Variants in CPAMD8 observed in about 807,000 individuals in gnomAD.
The protein encoded by CPAMD8 is C3 and PZP-like alpha-2-macroglobulin domain-containing protein 8.
Under a neutral mutation model 224.7 loss-of-function variants are expected in CPAMD8, and 146 were observed. That is an observed-to-expected ratio of 0.65 (90% CI 0.57 to 0.75). The LOEUF is 0.75. Ranked by LOEUF, CPAMD8 falls within the 30% of genes least tolerant of loss-of-function variation. The pLI is 0.00. For synonymous variants in CPAMD8, 966 were observed against 1,044.6 expected, an observed-to-expected ratio of 0.92 and a Z score of 1.45; for missense variants, 2,301 against 2,537.5, an observed-to-expected ratio of 0.91 and a Z score of 2.00.
chr19:16,896,588 C>T lies in CPAMD8; in HGVS notation c.5143G>A (p.Asp1715Asn). 6.6e-7 allele frequency: 1 copy of T among 1,512,472 alleles called. No homozygotes were observed. Among genetic ancestry groups the T allele is most frequent in the East Asian group, 2.6e-5 (1 of 38,586 alleles). 93.7% of individuals were successfully genotyped at this position (1,512,472 alleles called of 1,614,324 possible). A position where few individuals can be genotyped will look rare whatever the true frequency, so the allele number is the denominator to read the frequency against. Residue 1715 changes from aspartate to asparagine, a missense_variant, in exon 40 of 42, where the codon GAC becomes AAC. Transcript: ENST00000443236. ...AAIARCGCDHDCGAQGNPVCG... is the reference protein window; with the variant it reads ...AAIARCGCDHNCGAQGNPVCG... Reference sequence around the variant, plus strand: ...ACCGGGTTCCCCTGGGCGCCGCAGTCGTGGTCGCAGCCGCATCGCGCGATC... The same window carrying T: ...ACCGGGTTCCCCTGGGCGCCGCAGTTGTGGTCGCAGCCGCATCGCGCGATC...
At chr19:16,932,207 GCCAGGCATTCAAGA>G (rs1371849146) in intron 23 of CPAMD8, among the ~76,000 whole-genome samples, 1 of 152,170 alleles carries the variant, frequency 6.6e-6, no homozygotes, top group African/African-American at 2.4e-5. Context: ...GGCAGGTGAG[GCCAGGCATTCAAGA>G]CCAGCCTGGG....
intron 1 of CPAMD8, among the ~76,000 whole-genome samples, chr19:17,023,830 C>T (rs2057016258): frequency 6.6e-6 from 1 of 152,136 alleles, no homozygotes; most frequent in African/African-American, 2.4e-5. Flanking sequence ...GATCTGCGCA[C>T]CTTGGCCTCC....
Position 16,976,102 on chromosome 19 carries a change from T to C in CPAMD8, c.1808A>G (p.Asp603Gly), listed in dbSNP as rs1324789437. 5.6e-6 allele frequency: 9 copies of C among 1,612,872 alleles called. No individual in the cohort carries two copies. Among genetic ancestry groups the C allele is most frequent in the Non-Finnish European group, 7.6e-6 (9 of 1,179,234 alleles). Reference protein sequence around the residue: ...ANETQPGEVVDLRIRAARGSC... With the variant: ...ANETQPGEVVGLRIRAARGSC... The stretch of plus-strand genomic sequence containing the variant: ...GCCCCTTGCAGCCCTGATCCGCAGG[T>C]CGACAACCTCCCCAGGTTGGGTCTC... The change falls in exon 16 of 42, where the codon GAC becomes GGC. Residue 603 changes from aspartate to glycine, a missense_variant. Asp to Gly is a moderately conservative substitution (Grantham distance 94, BLOSUM62 -1). Coordinates refer to ENST00000443236, the MANE Select transcript of CPAMD8 (RefSeq NM_015692.5).
chr19:16,909,698 C>T (rs950353500), intron 29 of CPAMD8, among the ~76,000 whole-genome samples: 12 of 151,322 alleles, frequency 7.9e-5, no homozygotes, highest in South Asian at 2.1e-4. Flanking sequence ...GAACTGAGAT[C>T]GCTCCATTGC....
chr19:16,931,512 A>G (rs547726784), intron 23 of CPAMD8, among the ~76,000 whole-genome samples: 3 of 152,220 alleles, frequency 2.0e-5, no homozygotes, highest in South Asian at 2.1e-4. Context: ...TCATCTCACC[A>G]CTGCTACTGC....
intron 27 of CPAMD8, among the ~76,000 whole-genome samples, chr19:16,917,239 C>A (rs537107277): frequency 6.6e-6 from 1 of 151,218 alleles, no homozygotes; most frequent in East Asian, 2.0e-4. Flanking sequence ...TAAACAAACA[C>A]ACAAATAAAT....
At chr19:16,925,603 G>T (rs1455504799) in intron 25 of CPAMD8, among the ~76,000 whole-genome samples, 1 of 152,068 alleles carries the variant, frequency 6.6e-6, no homozygotes, top group East Asian at 1.9e-4. Context: ...TCTTTCTCTA[G>T]CTTTTCATTC....
In CPAMD8 at chr19:16,896,292, G is replaced by A. The variant is rs369176578; in HGVS notation, c.5310C>T (p.Tyr1770=). ...QRLPASSSST[Y]GDDLASVAPG... ...GGGCCACAGAAGCCAGGTCATCCCC[G>A]TAGGTGGAGGACGACGAGGCCGGCA... is the stretch of plus-strand genomic sequence containing the variant. The change falls in exon 41 of 42, where the codon TAC becomes TAT. Residue 1770 remains tyrosine (Y), a synonymous_variant. Transcript: ENST00000443236. 48 of 1,612,268 alleles carry A rather than the reference G, an allele frequency of 3.0e-5. No homozygotes were observed. Among genetic ancestry groups the A allele is most frequent in the Non-Finnish European group, 3.9e-5 (46 of 1,179,606 alleles).
At chr19:16,940,497 C>T (rs751673539) in intron 22 of CPAMD8, among the ~76,000 whole-genome samples, 7 of 152,136 alleles carry the variant, frequency 4.6e-5, no homozygotes, top group Admixed American at 6.6e-5. Context: ...CACCTTGTGA[C>T]GGGGTTATCA....
chr19:16,943,402 T>C (rs61587383), intron 22 of CPAMD8, among the ~76,000 whole-genome samples: 206 of 152,116 alleles, frequency 1.4e-3, no homozygotes, highest in African/African-American at 4.4e-3. Flanking sequence ...TTTATTTATT[T>C]ATTCATTCAT....
intron 13 of CPAMD8, among the ~76,000 whole-genome samples, chr19:16,986,097 G>A (rs996508134): frequency 2.0e-5 from 3 of 152,058 alleles, no homozygotes; most frequent in Admixed American, 6.6e-5. Flanking sequence ...AGATTGGAGT[G>A]AGCGCCCCCA....
chr19:16,961,394 G>A (rs138869851), intron 18 of CPAMD8, among the ~76,000 whole-genome samples: 31 of 152,358 alleles, frequency 2.0e-4, no homozygotes, highest in African/African-American at 6.7e-4. Flanking sequence ...TCCCACGCCC[G>A]CAGAGCCTTG....
At chr19:16,932,376 G>A (rs866520454) in intron 23 of CPAMD8, among the ~76,000 whole-genome samples, 4 of 152,174 alleles carry the variant, frequency 2.6e-5, no homozygotes, top group African/African-American at 9.6e-5. Context: ...AGCCATGATT[G>A]TGCCACTGCA....
At chr19:17,004,189 A>G in intron 8 of CPAMD8, 84 bp downstream of exon 8, 2 of 903,672 alleles carry the variant, frequency 2.2e-6, no homozygotes, top group Non-Finnish European at 3.5e-6. Flanking sequence ...TACAGGCGAG[A>G]GCCCTTGCAC....
intron 17 of CPAMD8, among the ~76,000 whole-genome samples, chr19:16,972,677 G>A (rs560720151): frequency 2.0e-4 from 30 of 152,090 alleles, no homozygotes; most frequent in African/African-American, 7.2e-4. Context: ...CTCGTGATCC[G>A]CCCGTCTCAG....
rs1344245442 is a variant in CPAMD8, at chr19:16,899,191, G to A, written c.4848+284C>T. ...CTGCCTCAGTCTCCCAAAGTGATGG[G>A]ATTGCAGGCGTAAGCCAAAGGGCCT... On this transcript the variant is annotated intron_variant, in intron 37 of 41. Coordinates refer to ENST00000443236, the MANE Select transcript of CPAMD8 (RefSeq NM_015692.5). This position sits in a 1 kb window ranked among gnomAD's most constrained non-coding sequence, Gnocchi z 5.4. Among the ~76,000 whole-genome samples the A allele has an allele frequency of 6.6e-6, 1 of 152,184 alleles. No individual in the cohort carries two copies. Among genetic ancestry groups the A allele is most frequent in the Non-Finnish European group, 1.5e-5 (1 of 68,034 alleles).
intron 39 of CPAMD8, 81 bp from the exon 40 acceptor site, chr19:16,896,746 GT>G (rs1599642316): frequency 9.7e-7 from 1 of 1,035,254 alleles, no homozygotes; most frequent in Non-Finnish European, 1.3e-6. Context: ...TGGGGAAGAT[GT>G]CCCTGGGTCC....
intron 22 of CPAMD8, among the ~76,000 whole-genome samples, chr19:16,941,681 A>G (rs1599745581): frequency 6.6e-6 from 1 of 152,242 alleles, no homozygotes; most frequent in African/African-American, 2.4e-5. Context: ...TGGTTGTTTG[A>G]AACTGTGAAG....
chr19:16,902,092 G>A (rs1468623012), intron 35 of CPAMD8, among the ~76,000 whole-genome samples: 3 of 152,128 alleles, frequency 2.0e-5, no homozygotes, highest in African/African-American at 7.2e-5. Flanking sequence ...CTCACTCTTG[G>A]AAACCAAGGG....
Sources: allele counts gnomAD v4.1 joint callset (sites outside exome capture counted in the v4.1 genomes callset), GRCh38; gene constraint gnomAD v4.1.1; non-coding constraint Gnocchi (gnomAD v3.1); transcripts MANE v1.5; gene names NCBI Gene and HGNC (gene_info 2026-07-23, HGNC 2026-07-21).